GPR176: variants seen among roughly 807,000 people sequenced by gnomAD.
The protein encoded by GPR176 is G protein-coupled receptor 176, also known as G-protein coupled receptor 176.
Under a neutral mutation model 35.4 loss-of-function variants are expected in GPR176, and 26 were observed. The ratio of observed to expected loss-of-function variants is 0.74; its 90% CI spans 0.54 to 1.02. The LOEUF is 1.02. Among genes scored for constraint, GPR176 ranks in the 50% least tolerant of loss-of-function variants. The pLI is 0.00. For synonymous variants in GPR176, 278 were observed against 271.3 expected (o/e 1.02, Z -0.24); for missense variants, 597 against 665.3 (o/e 0.90, Z 1.13).
chr15:39,864,886 T>G (rs956567808), intron 1 of GPR176, among the ~76,000 whole-genome samples: 5 of 143,964 alleles, frequency 3.5e-5, no homozygotes, highest in Non-Finnish European at 6.1e-5. Context: ...AAAGCATGAA[T>G]AGACATTTTT....
intron 1 of GPR176, among the ~76,000 whole-genome samples, chr15:39,876,280 T>C (rs191974989): frequency 5.6e-4 from 86 of 152,292 alleles, no homozygotes; most frequent in Admixed American, 2.7e-3. Context: ...CTAACATATA[T>C]TCAAAATTGA....
At chr15:39,835,349 C>A (rs1901331988) in intron 1 of GPR176, among the ~76,000 whole-genome samples, 1 of 151,918 alleles carries the variant, frequency 6.6e-6, no homozygotes, top group South Asian at 2.1e-4. Flanking sequence ...AATATATATA[C>A]CTACTATGTA....
At chr15:39,919,793 C>T in intron 1 of GPR176, 62 bp downstream of exon 1, 1 of 1,294,632 alleles carries the variant, frequency 7.7e-7, no homozygotes, top group African/African-American at 1.6e-5. Flanking sequence ...GCCCTGCTCC[C>T]GGCTCTCCGA....
In GPR176 at chr15:39,829,181, T is replaced by G. The variant is rs1037986004; in HGVS notation, c.173-21923A>C. 4 of 1,532,750 alleles carry G rather than the reference T, an allele frequency of 2.6e-6. No homozygotes were observed. In the Admixed American group the frequency reaches 5.9e-5, roughly 23 times the overall value. 94.9% of individuals were successfully genotyped at this position (1,532,750 alleles called of 1,614,324 possible). A position where few individuals can be genotyped will look rare whatever the true frequency, so the allele number is the denominator to read the frequency against. On this transcript the variant is annotated intron_variant, in intron 1 of 2. Coordinates refer to ENST00000561100, the MANE Select transcript of GPR176 (RefSeq NM_007223.3). ...ATCACTACGTCACACTGCCTTCTCA[T>G]GAAGAGACAACACCTCACAACGCAA...
At chr15:39,862,849 C>CATAT (rs71426356) in intron 1 of GPR176, among the ~76,000 whole-genome samples, 20,803 of 151,056 alleles carry the variant, frequency 0.14, 1,941 homozygotes, top group East Asian at 0.32. Flanking sequence ...GAGTGTATCT[C>CATAT]ATATATATAT....
At chr15:39,853,125 T>C (rs954689393) in intron 1 of GPR176, among the ~76,000 whole-genome samples, 9 of 152,296 alleles carry the variant, frequency 5.9e-5, no homozygotes, top group African/African-American at 1.7e-4. Flanking sequence ...CTCATGGTCA[T>C]TGCAGCATTG....
chr15:39,828,241 C>T lies in GPR176; in HGVS notation c.173-20983G>A, dbSNP rs72729418. ...CTTTCCAGCCCCGACAGCAAGCTGACAGAACCATCTTAACTAGGACAGGTA... is the reference window on the plus strand; with the variant it reads ...CTTTCCAGCCCCGACAGCAAGCTGATAGAACCATCTTAACTAGGACAGGTA... On this transcript the variant is annotated intron_variant, in intron 1 of 2. Transcript: ENST00000561100. Among the ~76,000 whole-genome samples, 1,052 of 152,306 alleles carry T rather than the reference C, an allele frequency of 6.9e-3. 4 individuals carry two copies. Among genetic ancestry groups the T allele is most frequent in the Non-Finnish European group, 0.01 (688 of 68,016 alleles).
intron 1 of GPR176, among the ~76,000 whole-genome samples, chr15:39,870,407 A>G (rs1287415246): frequency 6.6e-6 from 1 of 152,220 alleles, no homozygotes. Flanking sequence ...CCTTCAAGAG[A>G]GCAGCAAAAG....
chr15:39,800,441 C>G lies in GPR176; in HGVS notation c.*691G>C, dbSNP rs944532814. 1 of 152,266 alleles carries G rather than the reference C, an allele frequency of 6.6e-6. No individual in the cohort carries two copies. The allele number at this position is 152,266 out of a possible 1,614,324, so 9.4% of individuals were successfully genotyped here. ...AGGGTGCAGGTGTATCTCTCTGAGG[C>G]GTTGGTGATGCCAAGGGAAAATCAG... On this transcript the variant is annotated 3_prime_UTR_variant, in exon 3 of 3. Coordinates refer to ENST00000561100, the MANE Select transcript of GPR176 (RefSeq NM_007223.3).
At chr15:39,888,146 C>A (rs2032737343) in intron 1 of GPR176, among the ~76,000 whole-genome samples, 1 of 152,184 alleles carries the variant, frequency 6.6e-6, no homozygotes, top group Non-Finnish European at 1.5e-5. Flanking sequence ...TGCTGTAAAG[C>A]CAGAGTACTA....
At chr15:39,877,645 G>A (rs2032304136) in intron 1 of GPR176, among the ~76,000 whole-genome samples, 2 of 150,904 alleles carry the variant, frequency 1.3e-5, no homozygotes, top group South Asian at 4.2e-4. Flanking sequence ...ACTGCAACCT[G>A]CACCTCCCGG....
At chr15:39,893,310 C>G (rs866470766) in intron 1 of GPR176, among the ~76,000 whole-genome samples, 2,242 of 151,956 alleles carry the variant, frequency 0.015, 68 homozygotes, top group African/African-American at 0.052. Flanking sequence ...TGACTCTTAA[C>G]GAGCATGCTG....
intron 1 of GPR176, among the ~76,000 whole-genome samples, chr15:39,831,247 C>A (rs1331312650): frequency 6.6e-6 from 1 of 152,150 alleles, no homozygotes; most frequent in Non-Finnish European, 1.5e-5. Flanking sequence ...GTTCCTCTTT[C>A]GTGTCTGTTT....
intron 1 of GPR176, among the ~76,000 whole-genome samples, chr15:39,903,448 CAT>C (rs2033335825): frequency 1.3e-5 from 2 of 151,970 alleles, no homozygotes; most frequent in South Asian, 4.1e-4. Context: ...TTTAAAAATC[CAT>C]ATATTATTAT....
chr15:39,872,909 ATCTGTGTG>A (rs973359909), intron 1 of GPR176, among the ~76,000 whole-genome samples: 2 of 136,254 alleles, frequency 1.5e-5, no homozygotes, highest in Non-Finnish European at 3.1e-5. Context: ...TATCCAAAAT[ATCTGTGTG>A]TGTGTGTGTG....
chr15:39,893,356 C>A (rs2032946578), intron 1 of GPR176, among the ~76,000 whole-genome samples: 2 of 152,096 alleles, frequency 1.3e-5, no homozygotes, highest in South Asian at 4.2e-4. Flanking sequence ...ACATCTTGCA[C>A]CGCCCTTAAT....
chr15:39,835,763 C>G (rs1028342516), intron 1 of GPR176, among the ~76,000 whole-genome samples: 2 of 152,140 alleles, frequency 1.3e-5, no homozygotes, highest in Non-Finnish European at 2.9e-5. Context: ...TGCCATGGAG[C>G]CTGTCTTTAT....
chr15:39,856,260 T>C (rs2031210946), intron 1 of GPR176, among the ~76,000 whole-genome samples: 2 of 152,210 alleles, frequency 1.3e-5, no homozygotes, highest in South Asian at 4.1e-4. Flanking sequence ...CGCTGCTTTG[T>C]TTTCTTCACA....
At chr15:39,889,409 T>A (rs1207337125) in intron 1 of GPR176, among the ~76,000 whole-genome samples, 1 of 151,936 alleles carries the variant, frequency 6.6e-6, no homozygotes, top group Non-Finnish European at 1.5e-5. Flanking sequence ...TAGCCAGGCA[T>A]GGTGGCGCAC....
Sources: allele counts gnomAD v4.1 joint callset (sites outside exome capture counted in the v4.1 genomes callset), GRCh38; gene constraint gnomAD v4.1.1; transcripts MANE v1.5; gene names NCBI Gene and HGNC (gene_info 2026-07-23, HGNC 2026-07-21).